Variants in FAM168B observed in about 807,000 individuals in gnomAD.
FAM168B encodes family with sequence similarity 168 member B.
Under a neutral mutation model 21.8 loss-of-function variants are expected in FAM168B, and 19 were observed. The observed-to-expected ratio is 0.87, with a 90% CI of 0.61 to 1.28. The LOEUF (loss-of-function observed/expected upper bound fraction) is 1.28, where lower values mean the gene tolerates loss of function less well. Among genes scored for constraint, FAM168B ranks in the 50% most tolerant of loss-of-function variants. The probability of loss-of-function intolerance (pLI) is 0.00; values close to 1 mark genes in which losing one functional copy is unlikely to be tolerated. For missense variants in FAM168B, 233 were observed against 263.1 expected (o/e 0.89, Z 0.79); for synonymous variants, 126 against 104.8 (o/e 1.20, Z -1.24).
intron 3 of FAM168B, 68 bp downstream of exon 3, chr2:131,071,787 T>A: frequency 4.4e-6 from 6 of 1,365,290 alleles, no homozygotes; most frequent in Non-Finnish European, 6.3e-6. Flanking sequence ...CCCACCCCTC[T>A]CAAAATCCAC....
In FAM168B at chr2:131,051,052, T is replaced by C; in HGVS notation, c.*1413A>G. On this transcript the variant is annotated 3_prime_UTR_variant, in exon 7 of 7. Transcript: ENST00000389915. The stretch of plus-strand genomic sequence containing the variant: ...CAAGATTCAGATCCTAAACTCAAAT[T>C]CCTCTCCCACAATAAACCCTGCCAG... The C allele has an allele frequency of 1.0e-6, 1 of 985,248 alleles. No homozygotes were observed. Among genetic ancestry groups the C allele is most frequent in the East Asian group, 1.1e-4 (1 of 8,796 alleles). The allele number at this position is 985,248 out of a possible 1,614,324, so 61.0% of individuals were successfully genotyped here. A position where few individuals can be genotyped will look rare whatever the true frequency, so the allele number is the denominator to read the frequency against.
In FAM168B at chr2:131,052,884, C is replaced by G. The variant is rs1691768700; in HGVS notation, c.*12+7G>C. ...AAAGGCTAGCCCAGCCTTCCCTGGT[C>G]ACTTACATTTGCAGGTGATCACCAC... On this transcript the variant is annotated splice_region_variant and intron_variant, in intron 6 of 6. Coordinates refer to ENST00000389915, the MANE Select transcript of FAM168B (RefSeq NM_001009993.4). The G allele has an allele frequency of 2.6e-6, 4 of 1,549,534 alleles. No individual in the cohort carries two copies. The highest frequency in any genetic ancestry group is 3.5e-6 in the Non-Finnish European group (4 of 1,145,768).
chr2:131,071,083 G>C (rs1459709259), intron 3 of FAM168B, among the ~76,000 whole-genome samples: 4 of 152,216 alleles, frequency 2.6e-5, no homozygotes, highest in Admixed American at 2.0e-4. Flanking sequence ...TGGATGTAAG[G>C]ACAGAATATA....
intron 2 of FAM168B, among the ~76,000 whole-genome samples, chr2:131,076,884 A>C (rs1293153668): frequency 2.0e-5 from 3 of 151,912 alleles, no homozygotes; most frequent in Non-Finnish European, 4.4e-5. Flanking sequence ...GCAAACTACA[A>C]CTACGCTGAC....
intron 2 of FAM168B, among the ~76,000 whole-genome samples, chr2:131,075,785 G>GC (rs1693123085): frequency 1.3e-5 from 2 of 152,064 alleles, no homozygotes; most frequent in Admixed American, 1.3e-4. Context: ...ACCGCGCCCG[G>GC]CCCCCCAGTT....
intron 3 of FAM168B, among the ~76,000 whole-genome samples, chr2:131,066,575 GATC>G (rs1374375254): frequency 6.6e-6 from 1 of 152,170 alleles, no homozygotes; most frequent in African/African-American, 2.4e-5. Context: ...GACAATTTCA[GATC>G]ATCATTACCA....
intron 3 of FAM168B, among the ~76,000 whole-genome samples, chr2:131,067,644 G>GA (rs1241460138): frequency 1.3e-5 from 2 of 152,100 alleles, no homozygotes; most frequent in African/African-American, 4.8e-5. Flanking sequence ...TTGGGAAGCT[G>GA]AGGCAGGATT....
intron 3 of FAM168B, among the ~76,000 whole-genome samples, chr2:131,068,371 C>T: frequency 6.6e-6 from 1 of 152,152 alleles, no homozygotes; most frequent in East Asian, 1.9e-4. Flanking sequence ...ATTGGCCAGG[C>T]TGGTCTTGAA....
chr2:131,080,269 C>A (rs1693369000), intron 2 of FAM168B, among the ~76,000 whole-genome samples: 1 of 151,204 alleles, frequency 6.6e-6, no homozygotes, highest in African/African-American at 2.4e-5. Flanking sequence ...AAAACAGTAA[C>A]GTCTTTTTTT....
chr2:131,080,242 G>A (rs1693367392), intron 2 of FAM168B, among the ~76,000 whole-genome samples: 1 of 151,818 alleles, frequency 6.6e-6, no homozygotes, highest in Non-Finnish European at 1.5e-5. Flanking sequence ...ATAAATGGCT[G>A]TTGATTGCAC....
chr2:131,052,332 T>C lies in FAM168B; in HGVS notation c.*133A>G, dbSNP rs2105450061. The C allele has an allele frequency of 1.0e-6, 1 of 986,068 alleles. No individual in the cohort carries two copies. Among genetic ancestry groups the C allele is most frequent in the Non-Finnish European group, 1.2e-6 (1 of 830,114 alleles). 61.1% of individuals were successfully genotyped at this position (986,068 alleles called of 1,614,324 possible). A position where few individuals can be genotyped will look rare whatever the true frequency, so the allele number is the denominator to read the frequency against. The stretch of plus-strand genomic sequence containing the variant: ...GGCGCTGGGGCCTGCTGGGCCGGGA[T>C]ATAGTCGTGTTTAGCTAAGTGTCGA... On this transcript the variant is annotated 3_prime_UTR_variant, in exon 7 of 7. Transcript: ENST00000389915.
At chr2:131,075,204 A>T (rs1445583373) in intron 2 of FAM168B, among the ~76,000 whole-genome samples, 1 of 151,682 alleles carries the variant, frequency 6.6e-6, no homozygotes, top group African/African-American at 2.4e-5. Flanking sequence ...AGGAAGACCA[A>T]GAAAGGTCTG....
At chr2:131,077,241 C>G (rs985037124) in intron 2 of FAM168B, among the ~76,000 whole-genome samples, 1 of 149,140 alleles carries the variant, frequency 6.7e-6, no homozygotes, top group African/African-American at 2.5e-5. Flanking sequence ...AAGAACAAGG[C>G]AAACTTCTGT....
At chr2:131,057,406 A>G (rs926597253) in intron 3 of FAM168B, among the ~76,000 whole-genome samples, 6 of 152,234 alleles carry the variant, frequency 3.9e-5, no homozygotes, top group African/African-American at 1.4e-4. Flanking sequence ...TGGAAACAGA[A>G]CAGCACATAG....
intron 5 of FAM168B, among the ~76,000 whole-genome samples, chr2:131,053,986 C>G (rs1215471261): frequency 6.6e-6 from 1 of 152,112 alleles, no homozygotes; most frequent in African/African-American, 2.4e-5. Context: ...GGTGGATCAC[C>G]TGAGGTCAGG....
chr2:131,073,656 T>C (rs762864349), intron 2 of FAM168B, among the ~76,000 whole-genome samples: 1 of 152,192 alleles, frequency 6.6e-6, no homozygotes, highest in Non-Finnish European at 1.5e-5. Flanking sequence ...GCCATCGCCA[T>C]GCTCTTGGAC....
chr2:131,065,483 T>C (rs1025422158), intron 3 of FAM168B, among the ~76,000 whole-genome samples: 2 of 152,114 alleles, frequency 1.3e-5, no homozygotes, highest in African/African-American at 4.8e-5. Flanking sequence ...ATGGCTATAA[T>C]TCTGAGTTCA....
chr2:131,093,415 A>AGCCCGCGCTCCCCGCC lies in FAM168B; in HGVS notation c.-229_-214dup, dbSNP rs1158562492. ...CGCTTGGCCCGGCCCGCCTCTCCGC[A>AGCCCGCGCTCCCCGCC]GCCCGCGCTCCCCGCCGACGCTGCG... On this transcript the variant is annotated 5_prime_UTR_variant, in exon 1 of 7. Transcript: ENST00000389915. 6.6e-6 allele frequency: 1 copy of AGCCCGCGCTCCCCGCC among 150,606 alleles called. No homozygotes were observed. The highest frequency in any genetic ancestry group is 6.6e-5 in the Admixed American group (1 of 15,138). The allele number at this position is 150,606 out of a possible 1,614,324, so 9.3% of individuals were successfully genotyped here. A position where few individuals can be genotyped will look rare whatever the true frequency, so the allele number is the denominator to read the frequency against.
At chr2:131,087,264 T>C (rs1412550362) in intron 1 of FAM168B, among the ~76,000 whole-genome samples, 1 of 151,244 alleles carries the variant, frequency 6.6e-6, no homozygotes, top group Non-Finnish European at 1.5e-5. Context: ...AGGTCAGGAG[T>C]TGGAGACCAG....
Sources: gnomAD v4.1 joint callset for allele counts (sites outside exome capture counted in the v4.1 genomes callset) on GRCh38, gnomAD v4.1.1 for gene constraint, MANE v1.5 for transcripts, NCBI Gene and HGNC (gene_info 2026-07-23, HGNC 2026-07-21) for gene names.